Variants in ARHGAP32 observed in about 807,000 individuals in gnomAD.
ARHGAP32 encodes the protein rho GTPase-activating protein 32.
In ARHGAP32, 51 loss-of-function variants were observed where a neutral mutation model predicts 186.5. The ratio of observed to expected loss-of-function variants is 0.27; its 90% CI spans 0.22 to 0.35. The LOEUF is 0.35. ARHGAP32 is among the 10% of genes least tolerant of loss of function. The pLI, the probability that ARHGAP32 is intolerant of heterozygous loss-of-function variation, is 1.00. For synonymous variants in ARHGAP32, 950 were observed against 964.3 expected (o/e 0.99, Z 0.27); for missense variants, 2,186 against 2,623.5 (o/e 0.83, Z 3.64).
intron 1 of ARHGAP32, among the ~76,000 whole-genome samples, chr11:129,213,457 TAAC>T (rs768756932): frequency 3.9e-5 from 6 of 152,192 alleles, no homozygotes; most frequent in Non-Finnish European, 5.9e-5. Flanking sequence ...AGCAGGTGCG[TAAC>T]AGTAATGGAG....
chr11:129,212,227 ATCAAT>A (rs1242836591), intron 1 of ARHGAP32, among the ~76,000 whole-genome samples: 1 of 152,190 alleles, frequency 6.6e-6, no homozygotes, highest in Non-Finnish European at 1.5e-5. Flanking sequence ...TCTCAGAATG[ATCAAT>A]TCAAATATGG....
intron 6 of ARHGAP32, among the ~76,000 whole-genome samples, chr11:129,082,940 G>A (rs1020880376): frequency 1.3e-5 from 2 of 151,774 alleles, no homozygotes; most frequent in Non-Finnish European, 2.9e-5. Flanking sequence ...AGTGTGCTAG[G>A]GGTATAAACA....
At chr11:129,129,025 C>G (rs61911007) in intron 2 of ARHGAP32, among the ~76,000 whole-genome samples, 22,829 of 151,776 alleles carry the variant, frequency 0.15, 2,044 homozygotes, top group African/African-American at 0.25. Context: ...AAGTGAAGAG[C>G]GTCTCTGCCT....
intron 11 of ARHGAP32, among the ~76,000 whole-genome samples, chr11:129,021,942 G>A (rs778855475): frequency 1.3e-5 from 2 of 151,922 alleles, no homozygotes; most frequent in Non-Finnish European, 2.9e-5. Context: ...GACACTTAAA[G>A]TATTTTAAAA....
chr11:129,236,254 T>C (rs772967542), intron 1 of ARHGAP32, among the ~76,000 whole-genome samples: 4 of 152,182 alleles, frequency 2.6e-5, no homozygotes, highest in Non-Finnish European at 5.9e-5. Flanking sequence ...TTTTTGATTA[T>C]GGCCATTCTT....
chr11:129,102,005 C>A (rs1361371799), intron 5 of ARHGAP32, among the ~76,000 whole-genome samples: 1 of 152,174 alleles, frequency 6.6e-6, no homozygotes, highest in Non-Finnish European at 1.5e-5. Context: ...AACCACAGAC[C>A]TCTCAGCAGA....
rs1175023450 is a variant in ARHGAP32 at position 128,969,247 on chromosome 11, T to C, written c.5966A>G (p.Gln1989Arg). 4 of 1,614,016 alleles carry C rather than the reference T, an allele frequency of 2.5e-6. No homozygotes were observed. Among genetic ancestry groups the C allele is most frequent in the Non-Finnish European group, 1.7e-6 (2 of 1,179,978 alleles). ...TGGTTTAGGGGGTGGGACGATTGAC[T>C]GAGTGAGGTGTTCTTCCTCCTTGTA... ...DCYKEEEHLT[Q>R]SIVPPPKPER... Residue 1989 changes from glutamine to arginine, a missense_variant, in exon 23 of 23, where the codon CAG (glutamine) becomes CGG (arginine). Gln to Arg is a conservative substitution (Grantham distance 43). This residue lies in a region of ARHGAP32 where 1,502 missense variants were observed against 1,570.0 expected (regional missense o/e 0.96). Transcript: ENST00000682385. This position sits in a 1 kb window ranked among gnomAD's most constrained non-coding sequence, Gnocchi z 4.8.
At chr11:129,000,052 CT>C (rs1337097491) in intron 11 of ARHGAP32, among the ~76,000 whole-genome samples, 1 of 152,108 alleles carries the variant, frequency 6.6e-6, no homozygotes, top group Non-Finnish European at 1.5e-5. Context: ...AAAACTCTTT[CT>C]CATTTTGCAA....
chr11:129,180,271 T>C (rs926113788), intron 1 of ARHGAP32, among the ~76,000 whole-genome samples: 1 of 152,182 alleles, frequency 6.6e-6, no homozygotes, highest in Non-Finnish European at 1.5e-5. Context: ...ACATGCTATA[T>C]AATTCTATTG....
At chr11:129,164,772 A>G (rs1005943452) in intron 1 of ARHGAP32, among the ~76,000 whole-genome samples, 1 of 152,236 alleles carries the variant, frequency 6.6e-6, no homozygotes, top group African/African-American at 2.4e-5. Flanking sequence ...ATATTTACAG[A>G]ACTGTGCTAA....
At chr11:128,983,788 T>G (rs1012283008) in intron 15 of ARHGAP32, among the ~76,000 whole-genome samples, 2 of 152,002 alleles carry the variant, frequency 1.3e-5, no homozygotes, top group Admixed American at 6.6e-5. Flanking sequence ...GAATTGCAAA[T>G]TTAAAAAACC....
chr11:129,093,489 A>G (rs1373292307), intron 6 of ARHGAP32, 132 bp downstream of exon 6: 24 of 674,574 alleles, frequency 3.6e-5, no homozygotes, highest in East Asian at 2.2e-4. Flanking sequence ...GCACAATCTC[A>G]TTTCAGTATT....
At chr11:129,052,102 AAAAT>A (rs1422714878) in intron 10 of ARHGAP32, among the ~76,000 whole-genome samples, 13 of 152,186 alleles carry the variant, frequency 8.5e-5, no homozygotes, top group Admixed American at 7.2e-4. Flanking sequence ...TGTAGATGGT[AAAAT>A]AAATAAAGTT....
intron 11 of ARHGAP32, among the ~76,000 whole-genome samples, chr11:129,004,168 T>A (rs1266730636): frequency 6.6e-6 from 1 of 151,976 alleles, no homozygotes; most frequent in East Asian, 1.9e-4. Flanking sequence ...TTTGTATAGT[T>A]TCCAAAATTC....
intron 1 of ARHGAP32, among the ~76,000 whole-genome samples, chr11:129,209,120 C>A (rs1284471193): frequency 6.6e-6 from 1 of 152,018 alleles, no homozygotes; most frequent in East Asian, 1.9e-4. Flanking sequence ...TTCTCTGCCC[C>A]AAAACAGTTC....
chr11:129,261,140 C>T (rs1488207414), intron 1 of ARHGAP32, among the ~76,000 whole-genome samples: 2 of 151,558 alleles, frequency 1.3e-5, no homozygotes, highest in African/African-American at 2.4e-5. Flanking sequence ...GAGAGAAACA[C>T]AGCTGAAAGC....
chr11:129,159,489 C>T (rs1314678149), intron 2 of ARHGAP32, among the ~76,000 whole-genome samples: 1 of 151,952 alleles, frequency 6.6e-6, no homozygotes, highest in Non-Finnish European at 1.5e-5. Flanking sequence ...TACACCTTCC[C>T]AAACTAGGAA....
At chr11:129,061,315 T>G (rs995946355) in intron 10 of ARHGAP32, among the ~76,000 whole-genome samples, 1 of 152,172 alleles carries the variant, frequency 6.6e-6, no homozygotes, top group Non-Finnish European at 1.5e-5. Flanking sequence ...GATGTTATTA[T>G]CAGGTCTCAA....
intron 21 of ARHGAP32, chr11:128,973,725 C>T: frequency 3.7e-6 from 2 of 537,224 alleles, no homozygotes; most frequent in Non-Finnish European, 6.6e-6. Context: ...GCTTAGAAAA[C>T]AAGCTTCAAG....
Sources: gnomAD v4.1 joint callset for allele counts (sites outside exome capture counted in the v4.1 genomes callset) on GRCh38, gnomAD v4.1.1 for gene constraint, gnomAD v4.1.1 regional missense constraint, Gnocchi (gnomAD v3.1) non-coding constraint, MANE v1.5 for transcripts, NCBI Gene and HGNC (gene_info 2026-07-23, HGNC 2026-07-21) for gene names.